Variants in DOCK3 observed in about 807,000 individuals in gnomAD.
DOCK3 encodes dedicator of cytokinesis protein 3.
DOCK3 carries 60 observed loss-of-function variants against 265.6 expected under a neutral mutation model. The ratio of observed to expected loss-of-function variants is 0.23; its 90% confidence interval spans 0.18 to 0.28. The LOEUF (loss-of-function observed/expected upper bound fraction) is 0.28. Ranked by LOEUF, DOCK3 falls within the 10% of genes least tolerant of loss-of-function variation. DOCK3 has a pLI of 1.00. For missense variants in DOCK3, 1,981 were observed against 2,594.3 expected (o/e 0.76, Z 5.14); for synonymous variants, 881 against 938.0 (o/e 0.94, Z 1.11).
chr3:50,729,045 G>A (rs1298392825), intron 1 of DOCK3, among the ~76,000 whole-genome samples: 1 of 137,252 alleles, frequency 7.3e-6, no homozygotes, highest in South Asian at 2.4e-4. Flanking sequence ...TTTTGGCCAG[G>A]CACGGTGGCT....
chr3:51,055,449 T>A (rs2081160855), intron 5 of DOCK3, among the ~76,000 whole-genome samples: 1 of 152,232 alleles, frequency 6.6e-6, no homozygotes, highest in Non-Finnish European at 1.5e-5. Context: ...TCATCTACTT[T>A]CCAGCTTTCA....
At chr3:50,814,518 G>C (rs2043956441) in intron 2 of DOCK3, among the ~76,000 whole-genome samples, 1 of 151,848 alleles carries the variant, frequency 6.6e-6, no homozygotes. Flanking sequence ...TGCCTGCCTT[G>C]GCCTCCTAAA....
At chr3:50,892,898 A>G (rs1054718567) in intron 4 of DOCK3, among the ~76,000 whole-genome samples, 3 of 152,070 alleles carry the variant, frequency 2.0e-5, no homozygotes, top group Non-Finnish European at 2.9e-5. Context: ...CTTCTCCCTC[A>G]GAAGGGAAAG....
intron 1 of DOCK3, among the ~76,000 whole-genome samples, chr3:50,676,212 C>T (rs551779561): frequency 1.3e-5 from 2 of 152,248 alleles, no homozygotes; most frequent in Non-Finnish European, 2.9e-5. Context: ...ATTTTTGTTT[C>T]CCATCTTTAC....
At chr3:50,841,622 C>A in intron 2 of DOCK3, 53 bp from the exon 3 acceptor site, 2 of 793,382 alleles carry the variant, frequency 2.5e-6, no homozygotes, top group Non-Finnish European at 1.9e-6. Context: ...ACTATTGTGT[C>A]TCTTATTGAA....
At chr3:50,739,223 A>T (rs1434237439) in intron 1 of DOCK3, among the ~76,000 whole-genome samples, 1 of 152,146 alleles carries the variant, frequency 6.6e-6, no homozygotes, top group Non-Finnish European at 1.5e-5. Context: ...TACTCTTTAT[A>T]TACCACAGAT....
chr3:51,008,608 A>C (rs1036620086), intron 5 of DOCK3, among the ~76,000 whole-genome samples: 1 of 152,166 alleles, frequency 6.6e-6, no homozygotes, highest in Non-Finnish European at 1.5e-5. Flanking sequence ...TCCTAATTCA[A>C]TACCCTTTAT....
At chr3:50,712,179 A>G (rs554195335) in intron 1 of DOCK3, among the ~76,000 whole-genome samples, 19 of 151,468 alleles carry the variant, frequency 1.3e-4, no homozygotes, top group African/African-American at 4.6e-4. Context: ...AATCATTGTC[A>G]TTTTTTCCTC....
At chr3:50,909,902 C>T (rs958043172) in intron 4 of DOCK3, among the ~76,000 whole-genome samples, 3 of 151,926 alleles carry the variant, frequency 2.0e-5, no homozygotes, top group East Asian at 3.9e-4. Flanking sequence ...TATATCTCAG[C>T]GGTTTTGTTC....
intron 9 of DOCK3, among the ~76,000 whole-genome samples, chr3:51,096,086 ATGTGTCTTGGGGTTGCTCT>A (rs1349384439): frequency 7.9e-5 from 12 of 151,856 alleles, no homozygotes; most frequent in East Asian, 1.9e-4. Flanking sequence ...TCTGACGATT[ATGTGTCTTGGGGTTGCTCT>A]TGTGTCTTGG....
At chr3:50,773,848 C>T (rs182825424) in intron 1 of DOCK3, among the ~76,000 whole-genome samples, 10 of 151,958 alleles carry the variant, frequency 6.6e-5, no homozygotes, top group African/African-American at 1.9e-4. Context: ...AGTAAGACAC[C>T]GATGAGTATC....
At chr3:50,847,498 T>G (rs2046137596) in intron 3 of DOCK3, among the ~76,000 whole-genome samples, 1 of 152,184 alleles carries the variant, frequency 6.6e-6, no homozygotes, top group Non-Finnish European at 1.5e-5. Context: ...ACATGTCTGT[T>G]AGGTCTGACT....
At chr3:51,160,478 C>G in intron 11 of DOCK3, 77 bp from the exon 12 acceptor site, 1 of 1,478,686 alleles carries the variant, frequency 6.8e-7, no homozygotes, top group Non-Finnish European at 9.0e-7. Context: ...GCTCAGGCAT[C>G]CTTGGATGAC....
intron 4 of DOCK3, among the ~76,000 whole-genome samples, chr3:50,933,085 T>C (rs1026584259): frequency 6.6e-6 from 1 of 152,160 alleles, no homozygotes; most frequent in Non-Finnish European, 1.5e-5. Context: ...GTGAGACTTA[T>C]TCACTATTAT....
Position 51,260,343 on chromosome 3 carries a change from G to A in DOCK3, c.2355+17G>A, listed in dbSNP as rs1355483967. The A allele has an allele frequency of 2.5e-6, 4 of 1,592,228 alleles. No individual in the cohort carries two copies. The African/African-American group carries it at 5.4e-5, about 22-fold the overall frequency. On this transcript the variant is annotated intron_variant, in intron 23 of 52. Coordinates refer to ENST00000266037, the MANE Select transcript of DOCK3 (RefSeq NM_004947.5). ...TTTACTCAGGTTCGCACACTGCAGG[G>A]AAGCTTTGATGCTGGGTTCCTCTTT...
intron 1 of DOCK3, among the ~76,000 whole-genome samples, chr3:50,710,779 G>A (rs933396435): frequency 6.6e-6 from 1 of 152,198 alleles, no homozygotes; most frequent in Non-Finnish European, 1.5e-5. Context: ...ACCAATGAGT[G>A]TATAAAGAAA....
chr3:51,260,124 C>G, intron 22 of DOCK3, 32 bp from the exon 23 acceptor site: 1 of 1,592,360 alleles, frequency 6.3e-7, no homozygotes. Flanking sequence ...TCTTCAACAT[C>G]TCTCCATCAC....
chr3:51,036,334 G>T (rs2080261700), intron 5 of DOCK3, among the ~76,000 whole-genome samples: 1 of 152,104 alleles, frequency 6.6e-6, no homozygotes, highest in African/African-American at 2.4e-5. Flanking sequence ...CAGAACCCTG[G>T]TATCTGGTAC....
At chr3:50,800,350 A>G (rs1406646156) in intron 2 of DOCK3, among the ~76,000 whole-genome samples, 4 of 151,906 alleles carry the variant, frequency 2.6e-5, no homozygotes, top group Admixed American at 2.6e-4. Flanking sequence ...ACCTTTTATT[A>G]CTGAGTTGTC....
Sources: allele counts gnomAD v4.1 joint callset (sites outside exome capture counted in the v4.1 genomes callset), GRCh38; gene constraint gnomAD v4.1.1; transcripts MANE v1.5; gene names NCBI Gene and HGNC (gene_info 2026-07-23, HGNC 2026-07-21).